LDLRAD4: variants seen among roughly 807,000 people sequenced by gnomAD.
The protein encoded by LDLRAD4 is low-density lipoprotein receptor class A domain-containing protein 4.
Under a neutral mutation model 17.0 loss-of-function variants are expected in LDLRAD4, and 5 were observed. The ratio of observed to expected loss-of-function variants is 0.29; its 90% CI spans 0.15 to 0.62. The LOEUF is 0.62. LDLRAD4 is among the 20% of genes least tolerant of loss of function. The pLI is 0.84. For synonymous variants in LDLRAD4, 168 were observed against 171.8 expected, an observed-to-expected ratio of 0.98 and a Z score of 0.17; for missense variants, 340 against 424.7, an observed-to-expected ratio of 0.80 and a Z score of 1.75.
chr18:13,531,883 A>G (rs1440108333), intron 3 of LDLRAD4, among the ~76,000 whole-genome samples: 1 of 152,148 alleles, frequency 6.6e-6, no homozygotes, highest in Non-Finnish European at 1.5e-5. Flanking sequence ...CTGAGGATGC[A>G]GGGTGGCTGG....
chr18:13,225,239 G>A (rs1009282612), intron 1 of LDLRAD4, among the ~76,000 whole-genome samples: 7 of 152,348 alleles, frequency 4.6e-5, no homozygotes, highest in Middle Eastern at 3.4e-3. Flanking sequence ...AAATCTTTGA[G>A]ATTGTGGGAC....
intron 4 of LDLRAD4, among the ~76,000 whole-genome samples, chr18:13,640,352 A>G (rs1186985851): frequency 1.3e-5 from 2 of 151,576 alleles, no homozygotes; most frequent in Non-Finnish European, 2.9e-5. Flanking sequence ...CTGTAGATGC[A>G]TTTCCTCCCA....
At chr18:13,468,990 TAA>T (rs1229325641) in intron 3 of LDLRAD4, among the ~76,000 whole-genome samples, 1 of 150,612 alleles carries the variant, frequency 6.6e-6, no homozygotes, top group Non-Finnish European at 1.5e-5. Flanking sequence ...CCCTAAAACT[TAA>T]AGTATAATAA....
chr18:13,640,480 T>G (rs1423861508), intron 4 of LDLRAD4, among the ~76,000 whole-genome samples: 1 of 152,146 alleles, frequency 6.6e-6, no homozygotes, highest in East Asian at 1.9e-4. Flanking sequence ...TGGCCTGAAC[T>G]CCTCTCTACC....
intron 1 of LDLRAD4, among the ~76,000 whole-genome samples, chr18:13,268,089 T>G (rs891810988): frequency 1.1e-4 from 17 of 152,180 alleles, no homozygotes; most frequent in Non-Finnish European, 1.5e-5. Context: ...CCTGGAGAGA[T>G]ATTTTCCTCT....
chr18:13,448,175 A>G (rs2091549022), intron 3 of LDLRAD4, among the ~76,000 whole-genome samples: 1 of 152,204 alleles, frequency 6.6e-6, no homozygotes, highest in Non-Finnish European at 1.5e-5. Flanking sequence ...CAGGCTTCAA[A>G]GGCCGGAGAG....
intron 1 of LDLRAD4, among the ~76,000 whole-genome samples, chr18:13,254,756 A>G (rs1263330644): frequency 6.6e-6 from 1 of 152,226 alleles, no homozygotes; most frequent in Non-Finnish European, 1.5e-5. Flanking sequence ...TGAGCCCAAG[A>G]GTTTGAGACT....
intron 3 of LDLRAD4, among the ~76,000 whole-genome samples, chr18:13,570,711 G>A (rs985631254): frequency 1.3e-5 from 2 of 152,254 alleles, no homozygotes; most frequent in Non-Finnish European, 2.9e-5. Context: ...GTGCCAGGGC[G>A]AGCTCCACCT....
intron 1 of LDLRAD4, among the ~76,000 whole-genome samples, chr18:13,304,199 A>G (rs1280801391): frequency 6.6e-6 from 1 of 152,216 alleles, no homozygotes; most frequent in Admixed American, 6.5e-5. Flanking sequence ...TGGATGTTGC[A>G]CAGGAGTTGG....
intron 3 of LDLRAD4, among the ~76,000 whole-genome samples, chr18:13,606,675 G>A (rs900647971): frequency 6.6e-6 from 1 of 152,112 alleles, no homozygotes; most frequent in Non-Finnish European, 1.5e-5. Flanking sequence ...TGAGTCTGTG[G>A]GAACATAAAG....
At chr18:13,577,660 A>G (rs893913124) in intron 3 of LDLRAD4, among the ~76,000 whole-genome samples, 12 of 152,346 alleles carry the variant, frequency 7.9e-5, no homozygotes, top group Admixed American at 7.8e-4. Context: ...CGGCGTCTCT[A>G]GCATTGCACA....
chr18:13,221,252 C>T (rs549935542), intron 1 of LDLRAD4, among the ~76,000 whole-genome samples: 9 of 152,266 alleles, frequency 5.9e-5, no homozygotes, highest in South Asian at 2.1e-4. Context: ...ATATGAATAG[C>T]GGCAAAATTG....
intron 3 of LDLRAD4, among the ~76,000 whole-genome samples, chr18:13,450,665 A>G (rs1257066166): frequency 6.6e-6 from 1 of 152,190 alleles, no homozygotes; most frequent in African/African-American, 2.4e-5. Flanking sequence ...TGTTCTGTCC[A>G]GTGCTAAGTG....
At position 13,509,475 on chromosome 18, in the gene LDLRAD4, T is replaced by C. The variant is rs530923650; in HGVS notation, c.181+71091T>C. ...AGTGGAGCCTGAAGATGTGACTGAA[T>C]TGCTGCAACCTCATGATCAAACTTG... On this transcript the variant is annotated intron_variant, in intron 3 of 5. Transcript: ENST00000359446. Among the ~76,000 whole-genome samples, 22 of 152,354 alleles carry C rather than the reference T, an allele frequency of 1.4e-4. No homozygotes were observed. In the South Asian group the frequency reaches 4.6e-3, roughly 32 times the overall value.
At chr18:13,270,009 A>C (rs767050193) in intron 1 of LDLRAD4, among the ~76,000 whole-genome samples, 2 of 152,174 alleles carry the variant, frequency 1.3e-5, no homozygotes, top group Non-Finnish European at 2.9e-5. Context: ...CTGCAAACAC[A>C]CCAGGGCTGT....
At chr18:13,294,520 C>T (rs2046159187) in intron 1 of LDLRAD4, among the ~76,000 whole-genome samples, 1 of 152,232 alleles carries the variant, frequency 6.6e-6, no homozygotes, top group Non-Finnish European at 1.5e-5. Context: ...AAAGCTATCT[C>T]ATAGAACTAA....
intron 1 of LDLRAD4, among the ~76,000 whole-genome samples, chr18:13,365,643 A>G (rs1290911754): frequency 1.3e-5 from 2 of 152,230 alleles, no homozygotes; most frequent in Non-Finnish European, 2.9e-5. Context: ...TGATGCTGAA[A>G]TGTACTTCCT....
At chr18:13,629,242 T>C (rs1371734523) in intron 4 of LDLRAD4, among the ~76,000 whole-genome samples, 1 of 152,222 alleles carries the variant, frequency 6.6e-6, no homozygotes, top group Non-Finnish European at 1.5e-5. Context: ...CTCTTGGGGA[T>C]AGATTTGATT....
chr18:13,276,369 G>C (rs999226119), upstream of LDLRAD4, among the ~76,000 whole-genome samples: 2 of 152,182 alleles, frequency 1.3e-5, no homozygotes, highest in Non-Finnish European at 2.9e-5. Context: ...ATAAACTTAG[G>C]AGCTGAAAAC....
Sources: allele counts gnomAD v4.1 joint callset (sites outside exome capture counted in the v4.1 genomes callset), GRCh38; gene constraint gnomAD v4.1.1; transcripts MANE v1.5; gene names NCBI Gene and HGNC (gene_info 2026-07-23, HGNC 2026-07-21).